The following SORCS2 variants were observed in gnomAD, a reference collection of about 807,000 sequenced individuals.
The protein encoded by SORCS2 is VPS10 domain-containing receptor SorCS2.
Under a neutral mutation model 141.6 loss-of-function variants are expected in SORCS2, and 100 were observed. The ratio of observed to expected loss-of-function variants is 0.71; its 90% CI spans 0.60 to 0.83. The LOEUF (loss-of-function observed/expected upper bound fraction) is 0.83. SORCS2 is among the 40% of genes least tolerant of loss of function. The pLI is 0.00. For synonymous variants in SORCS2, 789 were observed against 676.9 expected, an observed-to-expected ratio of 1.17 and a Z score of -2.57; for missense variants, 1,646 against 1,560.2, an observed-to-expected ratio of 1.05 and a Z score of -0.93.
chr4:7,472,828 C>T lies in SORCS2; in HGVS notation c.549-58702C>T, dbSNP rs148559460. 1.9e-3 allele frequency among the ~76,000 whole-genome samples: 294 copies of T among 151,930 alleles called. 3 individuals are homozygous for T. The highest frequency in any genetic ancestry group is 6.8e-3 in the African/African-American group (283 of 41,408). ...ACTCTAGAACCTGGTTTGATTGGGG[C>T]GAGGGCGGAATTAACAGAACAAAAC... On this transcript the variant is annotated intron_variant, in intron 2 of 26. Transcript: ENST00000507866.
chr4:7,702,198 G>C (rs970377599), intron 12 of SORCS2, among the ~76,000 whole-genome samples: 3 of 151,992 alleles, frequency 2.0e-5, no homozygotes, highest in Non-Finnish European at 4.4e-5. Flanking sequence ...GGGCTTTCCT[G>C]TGTCCTGCTG....
intron 14 of SORCS2, among the ~76,000 whole-genome samples, chr4:7,709,898 C>G (rs1418306757): frequency 6.6e-6 from 1 of 152,198 alleles, no homozygotes; most frequent in Non-Finnish European, 1.5e-5. Context: ...AGAGCCTTCC[C>G]TGGCTACATG....
rs531682296 is a variant in SORCS2, at chr4:7,266,128, C to T, written c.480+73002C>T. On this transcript the variant is annotated intron_variant, in intron 1 of 26. Coordinates refer to ENST00000507866, the MANE Select transcript of SORCS2 (RefSeq NM_020777.3). ...TTGCCTGGGCCCTGGTGCCACAGAG[C>T]TGAGGGACCCTTTTCTGTCCCTCAC... Among the ~76,000 whole-genome samples, 66 of 152,242 alleles carry T rather than the reference C, an allele frequency of 4.3e-4. 1 individual carries two copies. The highest frequency in any genetic ancestry group is 3.6e-3 in the Admixed American group (55 of 15,298).
At chr4:7,717,983 C>T (rs371865853) in intron 17 of SORCS2, 29 bp from the exon 18 acceptor site, 172 of 1,568,712 alleles carry the variant, frequency 1.1e-4, no homozygotes, top group African/African-American at 2.9e-4. Context: ...CTGTCTGAAG[C>T]GGACCCTGAC....
In SORCS2 at chr4:7,315,651, A is replaced by G. The variant is rs762978321; in HGVS notation, c.481-80637A>G. 2.6e-5 allele frequency among the ~76,000 whole-genome samples: 4 copies of G among 152,224 alleles called. No individual in the cohort carries two copies. In the East Asian group the frequency reaches 5.8e-4, roughly 22 times the overall value. The stretch of plus-strand genomic sequence containing the variant: ...CAGGAGGATCCTCCCTGCCCCTCCT[A>G]TGGTGATTTTTGCAAGGACAGCCCA... On this transcript the variant is annotated intron_variant, in intron 1 of 26. Coordinates refer to ENST00000507866, the MANE Select transcript of SORCS2 (RefSeq NM_020777.3).
chr4:7,690,323 G>A (rs914252989), intron 11 of SORCS2, among the ~76,000 whole-genome samples: 4 of 144,900 alleles, frequency 2.8e-5, no homozygotes, highest in Non-Finnish European at 6.1e-5. Context: ...TGGTGGATAG[G>A]TGGACGGGTG....
intron 19 of SORCS2, among the ~76,000 whole-genome samples, chr4:7,724,172 A>ATAGTGGTGGTGGTGGTGGTGATGG (rs1418362290): frequency 7.8e-6 from 1 of 129,008 alleles, no homozygotes; most frequent in African/African-American, 3.0e-5. Context: ...GATGGTGGTG[A>ATAGTGGTGGTGGTGGTGGTGATGG]TGGTGATAGC....
intron 1 of SORCS2, 54 bp from the exon 2 acceptor site, chr4:7,396,234 T>C (rs939158170): frequency 6.4e-7 from 1 of 1,571,254 alleles, no homozygotes; most frequent in Non-Finnish European, 8.7e-7. Context: ...TACCTCTCTT[T>C]GAGAACCTTG....
At chr4:7,425,994 C>T (rs577985730) in intron 2 of SORCS2, among the ~76,000 whole-genome samples, 5 of 152,334 alleles carry the variant, frequency 3.3e-5, no homozygotes, top group Non-Finnish European at 7.4e-5. Context: ...GAGTTAGACC[C>T]GGAGCACAGG....
chr4:7,365,761 G>A (rs924295897), intron 1 of SORCS2, among the ~76,000 whole-genome samples: 3 of 152,154 alleles, frequency 2.0e-5, no homozygotes, highest in Non-Finnish European at 2.9e-5. Context: ...CCAGGGCTGC[G>A]CTAATGATAA....
At chr4:7,252,016 G>A (rs1160287735) in intron 1 of SORCS2, among the ~76,000 whole-genome samples, 3 of 152,154 alleles carry the variant, frequency 2.0e-5, no homozygotes, top group Non-Finnish European at 4.4e-5. Context: ...CTAAACGTAT[G>A]GTGCCAGTCA....
chr4:7,206,139 C>T (rs1727724288), intron 1 of SORCS2, among the ~76,000 whole-genome samples: 1 of 152,134 alleles, frequency 6.6e-6, no homozygotes, highest in Non-Finnish European at 1.5e-5. Context: ...GACAGATGGA[C>T]CCCATGGGAA....
intron 3 of SORCS2, among the ~76,000 whole-genome samples, chr4:7,611,503 T>C (rs189478640): frequency 6.6e-6 from 1 of 152,308 alleles, no homozygotes; most frequent in East Asian, 1.9e-4. Context: ...TGGTTTGTCA[T>C]CCATTGTTCA....
At chr4:7,536,994 G>A (rs1421979492) in intron 3 of SORCS2, among the ~76,000 whole-genome samples, 1 of 152,176 alleles carries the variant, frequency 6.6e-6, no homozygotes, top group Non-Finnish European at 1.5e-5. Context: ...CTTGAACCCA[G>A]GCCTGCCAGC....
chr4:7,335,547 C>T (rs565675519), intron 1 of SORCS2, among the ~76,000 whole-genome samples: 17 of 152,266 alleles, frequency 1.1e-4, no homozygotes, highest in African/African-American at 2.2e-4. Flanking sequence ...CCTCATCTGT[C>T]GGGGCACCCG....
At chr4:7,588,282 G>T (rs1211337873) in intron 3 of SORCS2, among the ~76,000 whole-genome samples, 3 of 152,280 alleles carry the variant, frequency 2.0e-5, no homozygotes, top group African/African-American at 7.2e-5. Flanking sequence ...CCACAAAGCT[G>T]CCCTTGGTTT....
At chr4:7,397,654 T>G (rs1304846884) in intron 2 of SORCS2, among the ~76,000 whole-genome samples, 1 of 152,144 alleles carries the variant, frequency 6.6e-6, no homozygotes, top group African/African-American at 2.4e-5. Flanking sequence ...GGCTCAGCAG[T>G]GTTCACTACT....
chr4:7,420,890 G>C (rs974148673), intron 2 of SORCS2, among the ~76,000 whole-genome samples: 3 of 152,154 alleles, frequency 2.0e-5, no homozygotes, highest in Non-Finnish European at 4.4e-5. Context: ...TTGGCGCGGA[G>C]CCTCTCGCTT....
intron 1 of SORCS2, among the ~76,000 whole-genome samples, chr4:7,373,794 T>G (rs1722432996): frequency 6.6e-6 from 1 of 151,916 alleles, no homozygotes; most frequent in African/African-American, 2.4e-5. Context: ...ACCTGGCCCC[T>G]TTATATATTC....
Sources: gnomAD v4.1 joint callset for allele counts (sites outside exome capture counted in the v4.1 genomes callset) on GRCh38, gnomAD v4.1.1 for gene constraint, MANE v1.5 for transcripts, NCBI Gene and HGNC (gene_info 2026-07-23, HGNC 2026-07-21) for gene names.